The following PI4K2B variants were observed in gnomAD, a reference collection of about 807,000 sequenced individuals.
The protein encoded by PI4K2B is phosphatidylinositol 4-kinase type 2 beta.
PI4K2B carries 46 observed loss-of-function variants against 56.6 expected under a neutral mutation model. The ratio of observed to expected loss-of-function variants is 0.81; its 90% CI spans 0.64 to 1.04. The LOEUF (loss-of-function observed/expected upper bound fraction) is 1.04, where lower values mean the gene tolerates loss of function less well. Ranked by LOEUF, PI4K2B falls within the 50% of genes least tolerant of loss-of-function variation. PI4K2B has a pLI of 0.00. For missense variants in PI4K2B, 556 were observed against 607.7 expected (o/e 0.91, Z 0.89); for synonymous variants, 211 against 223.8 (o/e 0.94, Z 0.51).
Position 25,241,299 on chromosome 4 carries a change from G to T in PI4K2B, c.268+6868G>T, listed in dbSNP as rs368827031. ...GGGGAAGAGGCTTACTTTCAAGTAT[G>T]GTTACATCACTAACTATGGTGTAAC... On this transcript the variant is annotated intron_variant, in intron 1 of 9. Coordinates refer to ENST00000264864, the MANE Select transcript of PI4K2B (RefSeq NM_018323.4). Among the ~76,000 whole-genome samples the T allele has an allele frequency of 1.2e-3, 179 of 152,334 alleles. 2 individuals carry two copies. In the South Asian group the frequency reaches 0.022, roughly 18 times the overall value.
At position 25,277,378 on chromosome 4, in the gene PI4K2B, A is replaced by C. The variant is rs1309255853; in HGVS notation, c.*191A>C. The C allele has an allele frequency of 3.8e-6, 2 of 533,036 alleles. No individual in the cohort carries two copies. The highest frequency in any genetic ancestry group is 6.2e-6 in the Non-Finnish European group (2 of 322,442). 33.0% of individuals were successfully genotyped at this position (533,036 alleles called of 1,614,324 possible). A position where few individuals can be genotyped will look rare whatever the true frequency, so the allele number is the denominator to read the frequency against. The stretch of plus-strand genomic sequence containing the variant: ...TATTAAATTTCTATTTCAGGGAAGA[A>C]GTGCTATATCTCCTATATTGTATTT... On this transcript the variant is annotated 3_prime_UTR_variant, in exon 10 of 10. Transcript: ENST00000264864.
At chr4:25,260,359 TG>T (rs1367895384) in intron 5 of PI4K2B, among the ~76,000 whole-genome samples, 164 bp from the exon 6 acceptor site, 1 of 151,360 alleles carries the variant, frequency 6.6e-6, no homozygotes, top group Non-Finnish European at 1.5e-5. Flanking sequence ...CATTTATGTT[TG>T]TTTTTTTTTT....
At chr4:25,236,904 T>G (rs963277215) in intron 1 of PI4K2B, among the ~76,000 whole-genome samples, 7 of 152,240 alleles carry the variant, frequency 4.6e-5, no homozygotes, top group African/African-American at 1.4e-4. Flanking sequence ...ATTGAGTAAT[T>G]TAATACTTTT....
intron 1 of PI4K2B, among the ~76,000 whole-genome samples, chr4:25,236,500 C>G (rs1253633998): frequency 6.7e-6 from 1 of 149,476 alleles, no homozygotes; most frequent in Non-Finnish European, 1.5e-5. Flanking sequence ...TTGCAGTGAG[C>G]AGAGATGGCT....
rs1715131332 is a variant in PI4K2B, at chr4:25,234,214, C to T, written c.51C>T (p.Ser17=). The T allele has an allele frequency of 7.1e-7, 1 of 1,414,624 alleles. No homozygotes were observed. Among genetic ancestry groups the T allele is most frequent in the East Asian group, 3.0e-5 (1 of 33,310 alleles). The allele number at this position is 1,414,624 out of a possible 1,614,324, so 87.6% of individuals were successfully genotyped here. A position where few individuals can be genotyped will look rare whatever the true frequency, so the allele number is the denominator to read the frequency against. ...GGTTGGCGTCCGCGGACGGCGGGAG[C>T]CCGGAGGAGGAGGAGGATGGGGAGC... is the stretch of plus-strand genomic sequence containing the variant. ...PDRLASADGG[S]PEEEEDGERE... Residue 17 remains serine, a synonymous_variant, in exon 1 of 10, where the codon AGC becomes AGT. Coordinates refer to ENST00000264864, the MANE Select transcript of PI4K2B (RefSeq NM_018323.4).
intron 3 of PI4K2B, among the ~76,000 whole-genome samples, chr4:25,255,759 C>T (rs1716241216): frequency 1.3e-5 from 2 of 152,084 alleles, no homozygotes. Flanking sequence ...CATCATGTGC[C>T]TGGCACCCAC....
At chr4:25,264,717 A>G (rs1368725667) in intron 7 of PI4K2B, among the ~76,000 whole-genome samples, 1 of 151,906 alleles carries the variant, frequency 6.6e-6, no homozygotes, top group Admixed American at 6.6e-5. Context: ...CAAAAAATAC[A>G]AAAATGAGCC....
chr4:25,277,210 A>C lies in PI4K2B; in HGVS notation c.*23A>C. 1 of 1,594,940 alleles carries C rather than the reference A, an allele frequency of 6.3e-7. No individual in the cohort carries two copies. Among genetic ancestry groups the C allele is most frequent in the African/African-American group, 1.3e-5 (1 of 74,764 alleles). Reference sequence around the variant, plus strand: ...TAGTAAATGTCAGAGTAAGAGAAACAAACTGTTTAGAATTATCATGTTTTT... The same window carrying C: ...TAGTAAATGTCAGAGTAAGAGAAACCAACTGTTTAGAATTATCATGTTTTT... On this transcript the variant is annotated 3_prime_UTR_variant, in exon 10 of 10. Transcript: ENST00000264864.
chr4:25,253,162 A>AC (rs1716130209), intron 2 of PI4K2B, among the ~76,000 whole-genome samples: 1 of 151,968 alleles, frequency 6.6e-6, no homozygotes, highest in African/African-American at 2.4e-5. Flanking sequence ...AAAGTACTTG[A>AC]TTTTTTTTCA....
intron 4 of PI4K2B, among the ~76,000 whole-genome samples, chr4:25,258,808 T>C (rs1347968144): frequency 1.3e-5 from 2 of 152,198 alleles, no homozygotes; most frequent in Admixed American, 6.5e-5. Context: ...GCTATGCTCC[T>C]TGAAAGTCTA....
chr4:25,271,708 T>C (rs1716901712), intron 9 of PI4K2B, among the ~76,000 whole-genome samples: 1 of 152,244 alleles, frequency 6.6e-6, no homozygotes, highest in Non-Finnish European at 1.5e-5. Context: ...ATATGCTTCA[T>C]CTTCTGGAAC....
chr4:25,263,860 A>G lies in PI4K2B; in HGVS notation c.1078+11A>G, dbSNP rs1485276733. 1 of 1,204,204 alleles carries G rather than the reference A, an allele frequency of 8.3e-7. No homozygotes were observed. Among genetic ancestry groups the G allele is most frequent in the Non-Finnish European group, 1.2e-6 (1 of 811,044 alleles). The allele number at this position is 1,204,204 out of a possible 1,614,324, so 74.6% of individuals were successfully genotyped here. A position where few individuals can be genotyped will look rare whatever the true frequency, so the allele number is the denominator to read the frequency against. ...ATGAATGGAGAGCATGTGAGTATTTAGAACCTTCTGTAGAGTCTATAATTA... is the reference window on the plus strand; with the variant it reads ...ATGAATGGAGAGCATGTGAGTATTTGGAACCTTCTGTAGAGTCTATAATTA... On this transcript the variant is annotated intron_variant, in intron 7 of 9. Transcript: ENST00000264864.
intron 9 of PI4K2B, among the ~76,000 whole-genome samples, chr4:25,274,056 AT>A (rs915529768): frequency 2.0e-5 from 3 of 151,800 alleles, no homozygotes; most frequent in African/African-American, 7.3e-5. Flanking sequence ...TCCTGTTCTG[AT>A]TTTTGCAGCA....
rs1382969818 is a variant in PI4K2B at position 25,277,553 on chromosome 4, A to G, written c.*366A>G. 1 of 157,200 alleles carries G rather than the reference A, an allele frequency of 6.4e-6. No individual in the cohort carries two copies. Among genetic ancestry groups the G allele is most frequent in the Non-Finnish European group, 1.4e-5 (1 of 71,262 alleles). 9.7% of individuals were successfully genotyped at this position (157,200 alleles called of 1,614,324 possible). On this transcript the variant is annotated 3_prime_UTR_variant, in exon 10 of 10. Coordinates refer to ENST00000264864, the MANE Select transcript of PI4K2B (RefSeq NM_018323.4). ...TCATGCTAATTCTTCTTACATTACA[A>G]AAGGCCTTTGAGGATGCCTACGTCT...
chr4:25,244,530 C>T (rs1030815491), intron 1 of PI4K2B, among the ~76,000 whole-genome samples: 8 of 152,070 alleles, frequency 5.3e-5, no homozygotes, highest in Non-Finnish European at 1.2e-4. Context: ...CATTTTTCCC[C>T]ATCAGAGAGA....
chr4:25,273,848 G>T (rs1330426554), intron 9 of PI4K2B, among the ~76,000 whole-genome samples: 1 of 152,200 alleles, frequency 6.6e-6, no homozygotes, highest in Non-Finnish European at 1.5e-5. Context: ...CGACAACACA[G>T]TCGGGCTCCA....
chr4:25,250,363 C>T (rs1716002998), intron 1 of PI4K2B, among the ~76,000 whole-genome samples: 2 of 152,160 alleles, frequency 1.3e-5, no homozygotes, highest in African/African-American at 4.8e-5. Flanking sequence ...CAAACAACCA[C>T]GTGTTCTCAC....
intron 1 of PI4K2B, among the ~76,000 whole-genome samples, chr4:25,241,972 T>C (rs1350865941): frequency 6.6e-6 from 1 of 152,118 alleles, no homozygotes; most frequent in African/African-American, 2.4e-5. Context: ...GTTTAGAGTA[T>C]AGAGGGGCCT....
intron 1 of PI4K2B, among the ~76,000 whole-genome samples, chr4:25,234,823 T>C (rs1181324147): frequency 6.6e-6 from 1 of 152,230 alleles, no homozygotes. Flanking sequence ...GTGGTGAATT[T>C]GCAAAGTGGA....
Sources: gnomAD v4.1 joint callset for allele counts (sites outside exome capture counted in the v4.1 genomes callset) on GRCh38, gnomAD v4.1.1 for gene constraint, MANE v1.5 for transcripts, NCBI Gene and HGNC (gene_info 2026-07-23, HGNC 2026-07-21) for gene names.